Variants in MMP12 observed in about 807,000 individuals in gnomAD.
MMP12 encodes matrix metallopeptidase 12, also known as macrophage metalloelastase.
A neutral mutation model predicts 45.2 loss-of-function variants in MMP12; 51 were observed. The observed-to-expected ratio is 1.13, with a 90% CI of 0.90 to 1.42. The LOEUF (loss-of-function observed/expected upper bound fraction) is 1.42. MMP12 is among the 40% of genes most tolerant of loss of function. The pLI, the probability that MMP12 is intolerant of heterozygous loss-of-function variation, is 0.00. For missense variants in MMP12, 530 were observed against 570.8 expected, an observed-to-expected ratio of 0.93 and a Z score of 0.73; for synonymous variants, 210 against 193.3, an observed-to-expected ratio of 1.09 and a Z score of -0.72.
rs1341755671 is a variant in MMP12, at chr11:102,865,850, C to A, written c.1131G>T (p.Val377=). The change falls in exon 8 of 10, where the codon GTG becomes GTT. Residue 377 remains valine, a synonymous_variant. Coordinates refer to ENST00000571244, the MANE Select transcript of MMP12 (RefSeq NM_002426.6). This position sits in a 1 kb window ranked among gnomAD's most constrained non-coding sequence, Gnocchi z 4.1. ...SIHSFGFPNF[V]KKIDAAVFNP... is the part of the protein sequence containing the mutation. ...TAAAAACAGCTGCATCAATTTTTTT[C>A]ACAAAGTTAGGAAAACCAAAAGAAT... 1 of 1,613,030 alleles carries A rather than the reference C, an allele frequency of 6.2e-7. No individual in the cohort carries two copies. Among genetic ancestry groups the A allele is most frequent in the Non-Finnish European group, 8.5e-7 (1 of 1,179,384 alleles).
rs782311302 is a variant in MMP12 at position 102,874,886 on chromosome 11, G to T, written c.52C>A (p.Pro18Thr). The stretch of plus-strand genomic sequence containing the variant: ...TCCAGGCTTGTAGAGCTGTTCAGGG[G>T]AAGAGCTCCAGAAGCAGTGGCCTGC... Reference protein sequence around the residue: ...LLQATASGALPLNSSTSLEKN... With the variant: ...LLQATASGALTLNSSTSLEKN... The change falls in exon 1 of 10, where the codon CCC (proline) becomes ACC (threonine). Residue 18 changes from proline to threonine, a missense_variant. Transcript: ENST00000571244. 6.2e-7 allele frequency: 1 copy of T among 1,607,464 alleles called. No homozygotes were observed. Among genetic ancestry groups the T allele is most frequent in the African/African-American group, 1.3e-5 (1 of 75,008 alleles).
In MMP12 at chr11:102,866,453, C is replaced by T; in HGVS notation, c.912-5G>A. On this transcript the variant is annotated splice_polypyrimidine_tract_variant and splice_region_variant and intron_variant, in intron 6 of 9. Transcript: ENST00000571244. ...GAAACCTTCAGCCAGAAGAACCTGA[C>T]ATGAAAGACATTTGACACATGTTAA... The T allele has an allele frequency of 6.2e-7, 1 of 1,610,318 alleles. No homozygotes were observed. The highest frequency in any genetic ancestry group is 8.5e-7 in the Non-Finnish European group (1 of 1,178,458).
At chr11:102,868,370 A>T (rs572979236) in intron 4 of MMP12, among the ~76,000 whole-genome samples, 1 of 152,258 alleles carries the variant, frequency 6.6e-6, no homozygotes, top group South Asian at 2.1e-4. Context: ...TTGGGGACAA[A>T]ATTGCCTAGG....
chr11:102,867,720 C>A (rs914677901), intron 5 of MMP12, among the ~76,000 whole-genome samples, 188 bp downstream of exon 5: 5 of 152,064 alleles, frequency 3.3e-5, no homozygotes, highest in African/African-American at 9.7e-5. Context: ...CTGGCTCTGA[C>A]GTTAACATAC....
rs1451775314 is a variant in MMP12 at position 102,865,203 on chromosome 11, C to A, written c.1205+573G>T. Among the ~76,000 whole-genome samples the A allele has an allele frequency of 2.6e-5, 4 of 152,160 alleles. No homozygotes were observed. The highest frequency in any genetic ancestry group is 9.7e-5 in the African/African-American group (4 of 41,442). The stretch of plus-strand genomic sequence containing the variant: ...TTATGTCTCATGTCAACCAGGCAAG[C>A]AATCTAGGAAATGACTGGCTTACTC... On this transcript the variant is annotated intron_variant, in intron 8 of 9. Transcript: ENST00000571244. The surrounding 1 kb of genome is among the most constrained non-coding windows in gnomAD (Gnocchi z 4.1).
intron 9 of MMP12, among the ~76,000 whole-genome samples, 173 bp downstream of exon 9, chr11:102,863,973 C>T (rs1591116106): frequency 6.6e-6 from 1 of 152,224 alleles, no homozygotes; most frequent in Non-Finnish European, 1.5e-5. Context: ...AGCCCCTGCT[C>T]ATTCTAACTC....
At position 102,871,969 on chromosome 11, in the gene MMP12, A is replaced by T; in HGVS notation, c.351-17T>A. On this transcript the variant is annotated splice_polypyrimidine_tract_variant and intron_variant, in intron 2 of 9. Transcript: ENST00000571244. ...TTATTGATTCTTTATCAGCAAAAAG[A>T]GAGAGAAAAATGTATGGAAGGCAGT... The T allele has an allele frequency of 6.3e-7, 1 of 1,591,904 alleles. No homozygotes were observed. Among genetic ancestry groups the T allele is most frequent in the South Asian group, 1.2e-5 (1 of 86,618 alleles).
Position 102,871,968 on chromosome 11 carries a change from G to A in MMP12, c.351-16C>T. On this transcript the variant is annotated splice_polypyrimidine_tract_variant and intron_variant, in intron 2 of 9. Transcript: ENST00000571244. ...ATTATTGATTCTTTATCAGCAAAAA[G>A]AGAGAGAAAAATGTATGGAAGGCAG... is the stretch of plus-strand genomic sequence containing the variant. 2 of 1,591,410 alleles carry A rather than the reference G, an allele frequency of 1.3e-6. No homozygotes were observed. The highest frequency in any genetic ancestry group is 1.8e-5 in the Admixed American group (1 of 55,392).
intron 7 of MMP12, 104 bp downstream of exon 7, chr11:102,866,211 A>C: frequency 8.5e-7 from 1 of 1,182,188 alleles, no homozygotes; most frequent in South Asian, 1.7e-5. Context: ...TAATAAAATC[A>C]AGAGTGCTTT....
Position 102,865,325 on chromosome 11 carries a change from T to C in MMP12, c.1205+451A>G, listed in dbSNP as rs778988535. Among the ~76,000 whole-genome samples, 9 of 152,158 alleles carry C rather than the reference T, an allele frequency of 5.9e-5. No individual in the cohort carries two copies. Among genetic ancestry groups the C allele is most frequent in the Non-Finnish European group, 1.3e-4 (9 of 68,028 alleles). ...ATGAGCTCCTATCCTCACTTGACCA[T>C]ATGACTTTCTTTTAAGGAAGATCTT... On this transcript the variant is annotated intron_variant, in intron 8 of 9. Transcript: ENST00000571244. This position sits in a 1 kb window ranked among gnomAD's most constrained non-coding sequence, Gnocchi z 4.1.
intron 1 of MMP12, among the ~76,000 whole-genome samples, chr11:102,873,607 A>G (rs1220984491): frequency 6.6e-6 from 1 of 152,212 alleles, no homozygotes; most frequent in Non-Finnish European, 1.5e-5. Context: ...CTCAAAAAAA[A>G]GAAAAACAAA....
chr11:102,870,485 C>T (rs1859473355), intron 4 of MMP12, among the ~76,000 whole-genome samples: 1 of 152,202 alleles, frequency 6.6e-6, no homozygotes, highest in Non-Finnish European at 1.5e-5. Flanking sequence ...TGTGCAATAT[C>T]AGCTAGAGAG....
At chr11:102,866,755 T>C (rs1219970141) in intron 6 of MMP12, among the ~76,000 whole-genome samples, 1 of 152,144 alleles carries the variant, frequency 6.6e-6, no homozygotes, top group African/African-American at 2.4e-5. Context: ...GAAGTCACTA[T>C]CCTCAAGTGT....
Position 102,873,091 on chromosome 11 carries a change from C to A in MMP12, c.124G>T (p.Gly42Cys). The change falls in exon 2 of 10, where the codon GGC (glycine) becomes TGC (cysteine). Residue 42 changes from glycine to cysteine, a missense_variant. Gly to Cys is a radical substitution (Grantham distance 159). Transcript: ENST00000571244. ...ACTGGAAGTTTGTTTATCTCAAGGC[C>A]ATAAAATTTTTCTAAGTATCTCTGG... Reference protein sequence around the residue: ...FGERYLEKFYGLEINKLPVTK... With the variant: ...FGERYLEKFYCLEINKLPVTK... 6.2e-7 allele frequency: 1 copy of A among 1,611,574 alleles called. No individual in the cohort carries two copies. The highest frequency in any genetic ancestry group is 8.5e-7 in the Non-Finnish European group (1 of 1,178,988).
At chr11:102,873,286 A>C (rs889000892) in intron 1 of MMP12, among the ~76,000 whole-genome samples, 174 bp from the exon 2 acceptor site, 2 of 152,158 alleles carry the variant, frequency 1.3e-5, no homozygotes, top group Non-Finnish European at 2.9e-5. Flanking sequence ...AGGAAAAAAA[A>C]CCTTAATTTT....
At chr11:102,866,280 G>C in intron 7 of MMP12, 35 bp downstream of exon 7, 1 of 1,536,156 alleles carries the variant, frequency 6.5e-7, no homozygotes, top group Non-Finnish European at 8.8e-7. Flanking sequence ...CTTCCTTGAA[G>C]TAAACTCAAT....
chr11:102,871,607 A>G lies in MMP12; in HGVS notation c.612T>C (p.Thr204=). 1 of 1,554,764 alleles carries G rather than the reference A, an allele frequency of 6.4e-7. No individual in the cohort carries two copies. Among genetic ancestry groups the G allele is most frequent in the Non-Finnish European group, 8.7e-7 (1 of 1,148,370 alleles). Residue 204 remains threonine (T), a synonymous_variant, in exon 4 of 10, where the codon ACT becomes ACC. Coordinates refer to ENST00000571244, the MANE Select transcript of MMP12 (RefSeq NM_002426.6). ...TGTTTTGCCCACCTCCTGAATGTGTAGTCCAGAATTCGTCCTCATCGAAAT... is the reference window on the plus strand; with the variant it reads ...TGTTTTGCCCACCTCCTGAATGTGTGGTCCAGAATTCGTCCTCATCGAAAT... ...DAHFDEDEFW[T]THSGGTNLFL...
At chr11:102,866,508 T>G (rs1246424440) in intron 6 of MMP12, 60 bp from the exon 7 acceptor site, 1 of 1,560,672 alleles carries the variant, frequency 6.4e-7, no homozygotes, top group Non-Finnish European at 8.7e-7. Context: ...AACCATGGCA[T>G]GTGAATGGGA....
chr11:102,867,910 T>C lies in MMP12; in HGVS notation c.785A>G (p.Tyr262Cys). Reference sequence around the variant, plus strand: ...AAATGATAAAGAATTCAACTCACCATACAGGGACTGAATGCCACGTATGTC... The same window carrying C: ...AAATGATAAAGAATTCAACTCACCACACAGGGACTGAATGCCACGTATGTC... ...ADDIRGIQSL[Y>C]GDPKENQRLP... Residue 262 changes from tyrosine to cysteine, a missense_variant and splice_region_variant, in exon 5 of 10, where the codon TAT (tyrosine) becomes TGT (cysteine). Tyr to Cys is a radical substitution (Grantham distance 194, BLOSUM62 -2). Transcript: ENST00000571244. 6.2e-7 allele frequency: 1 copy of C among 1,608,344 alleles called. No homozygotes were observed. Among genetic ancestry groups the C allele is most frequent in the South Asian group, 1.1e-5 (1 of 89,422 alleles).
Sources: allele counts gnomAD v4.1 joint callset (sites outside exome capture counted in the v4.1 genomes callset), GRCh38; gene constraint gnomAD v4.1.1; non-coding constraint Gnocchi (gnomAD v3.1); transcripts MANE v1.5; gene names NCBI Gene and HGNC (gene_info 2026-07-23, HGNC 2026-07-21).